The following NEK10 variants were observed in gnomAD, a reference collection of about 807,000 sequenced individuals.
NEK10 encodes the protein NIMA related kinase 10.
Under a neutral mutation model 159.8 loss-of-function variants are expected in NEK10, and 122 were observed. The observed-to-expected ratio is 0.76, with a 90% CI of 0.66 to 0.89. NEK10 has a LOEUF of 0.89. Among genes scored for constraint, NEK10 ranks in the 40% least tolerant of loss-of-function variants. The pLI, the probability that NEK10 is intolerant of heterozygous loss-of-function variation, is 0.00. For synonymous variants in NEK10, 466 were observed against 457.1 expected (o/e 1.02, Z -0.25); for missense variants, 1,342 against 1,323.1 (o/e 1.01, Z -0.22).
At chr3:27,240,238 T>C (rs1301201578) in intron 23 of NEK10, among the ~76,000 whole-genome samples, 2 of 152,154 alleles carry the variant, frequency 1.3e-5, no homozygotes, top group Non-Finnish European at 1.5e-5. Flanking sequence ...ACAAATTAAA[T>C]TCAGATCCAA....
chr3:27,294,074 A>G (rs762825976), intron 15 of NEK10, among the ~76,000 whole-genome samples: 1 of 152,252 alleles, frequency 6.6e-6, no homozygotes, highest in Non-Finnish European at 1.5e-5. Flanking sequence ...AAATGATGAC[A>G]TATAAAAATA....
chr3:27,146,493 G>A (rs1315211834), intron 30 of NEK10, among the ~76,000 whole-genome samples: 2 of 152,156 alleles, frequency 1.3e-5, no homozygotes, highest in Non-Finnish European at 2.9e-5. Flanking sequence ...CATGAATGGG[G>A]GGCCAAAACA....
chr3:27,325,590 A>C (rs1243622389), intron 5 of NEK10, among the ~76,000 whole-genome samples: 2 of 152,068 alleles, frequency 1.3e-5, no homozygotes, highest in Non-Finnish European at 2.9e-5. Context: ...AGTTAGGATG[A>C]ACATTTGTAG....
At chr3:27,252,100 C>G (rs1955728167) in intron 23 of NEK10, 1 of 249,980 alleles carries the variant, frequency 4.0e-6, no homozygotes, top group Non-Finnish European at 8.4e-6. Context: ...TAGTCAACTC[C>G]TCTAGGTCCT....
Position 27,116,005 on chromosome 3 carries a change from TA to T in NEK10, c.3244-11del. ...CTTCTTCAATCACAGTCTAAAATTTTAAAAATCAGGTTAGTATTGAATTAGA... is the reference window on the plus strand; with the variant it reads ...CTTCTTCAATCACAGTCTAAAATTTTAAAATCAGGTTAGTATTGAATTAGA... On this transcript the variant is annotated splice_polypyrimidine_tract_variant and intron_variant, in intron 34 of 35. Coordinates refer to ENST00000691995, the MANE Select transcript of NEK10 (RefSeq NM_001394966.1). 1 of 1,612,934 alleles carries T rather than the reference TA, an allele frequency of 6.2e-7. No individual in the cohort carries two copies. The highest frequency in any genetic ancestry group is 8.5e-7 in the Non-Finnish European group (1 of 1,179,234).
chr3:27,198,947 C>T (rs1949793399), intron 25 of NEK10, among the ~76,000 whole-genome samples: 1 of 151,806 alleles, frequency 6.6e-6, no homozygotes, highest in African/African-American at 2.4e-5. Flanking sequence ...GTGGCACAGG[C>T]CTACAGTCCC....
Position 27,147,380 on chromosome 3 carries a change from CA to C in NEK10, c.2870-5799del, listed in dbSNP as rs1944404955. Among the ~76,000 whole-genome samples, 5 of 152,314 alleles carry C rather than the reference CA, an allele frequency of 3.3e-5. No homozygotes were observed. The South Asian group carries it at 1.0e-3, about 32-fold the overall frequency. On this transcript the variant is annotated intron_variant, in intron 30 of 35. Coordinates refer to ENST00000691995, the MANE Select transcript of NEK10 (RefSeq NM_001394966.1). ...ACCAGTAGACCATTCTATAATCAGA[CA>C]AAAAGTGTTTGGAAGGAGCTTGGCA...
chr3:27,282,559 T>TATAC lies in NEK10; in HGVS notation c.2014+2042_2014+2043insGTAT, dbSNP rs1244802639. Among the ~76,000 whole-genome samples, 30 of 86,892 alleles carry TATAC rather than the reference T, an allele frequency of 3.5e-4. 1 individual carries two copies. The highest frequency in any genetic ancestry group is 1.5e-3 in the African/African-American group (29 of 18,768). 57.0% of individuals were successfully genotyped at this position (86,892 alleles called of 152,430 possible). ...TGTGTTATATATATATATATATATA[T>TATAC]ACATAACTGTGTTATATATATATAC... On this transcript the variant is annotated intron_variant, in intron 22 of 35. Transcript: ENST00000691995.
chr3:27,328,921 T>A (rs1449153556), intron 5 of NEK10, among the ~76,000 whole-genome samples: 5 of 152,174 alleles, frequency 3.3e-5, no homozygotes, highest in Non-Finnish European at 7.3e-5. Context: ...AACTTTGAGA[T>A]GCTTAAAGAA....
At chr3:27,154,332 C>A (rs979610660) in intron 30 of NEK10, among the ~76,000 whole-genome samples, 3 of 152,026 alleles carry the variant, frequency 2.0e-5, no homozygotes, top group African/African-American at 7.2e-5. Flanking sequence ...AAAAAAGGTC[C>A]AGGACCAGAG....
intron 22 of NEK10, among the ~76,000 whole-genome samples, chr3:27,260,155 T>C (rs911948262): frequency 1.1e-4 from 16 of 140,026 alleles, no homozygotes; most frequent in Admixed American, 4.0e-4. Context: ...TACAATCATG[T>C]CATCTGCAAA....
intron 23 of NEK10, among the ~76,000 whole-genome samples, chr3:27,209,434 A>G: frequency 6.6e-6 from 1 of 152,236 alleles, no homozygotes; most frequent in East Asian, 1.9e-4. Context: ...ACTTCTCTAA[A>G]TGCTTTCTAT....
Position 27,171,827 on chromosome 3 carries a change from G to A in NEK10, c.2823C>T (p.Ser941=), listed in dbSNP as rs147291498. The A allele has an allele frequency of 1.5e-4, 247 of 1,613,502 alleles. 1 individual carries two copies. In the African/African-American group the frequency reaches 3.0e-3, roughly 19 times the overall value. The change falls in exon 29 of 36, where the codon TCC becomes TCT. Residue 941 remains serine (S), a synonymous_variant. Transcript: ENST00000691995. The part of the protein sequence containing the change: ...SFSASGGERQ[S]QTRDFTGGTG... ...GTTCAATTTGCACCTACCTTGTTTG[G>A]GATTGTCTTTCTCCTCCTGAAGCAC...
At chr3:27,229,279 T>C (rs1284085271) in intron 23 of NEK10, among the ~76,000 whole-genome samples, 1 of 152,010 alleles carries the variant, frequency 6.6e-6, no homozygotes, top group Non-Finnish European at 1.5e-5. Context: ...CCCCTAACAG[T>C]ACAAAGAATC....
chr3:27,323,608 A>G (rs1346750902), intron 5 of NEK10, among the ~76,000 whole-genome samples: 2 of 152,002 alleles, frequency 1.3e-5, no homozygotes, highest in African/African-American at 2.4e-5. Flanking sequence ...AGGGGGGAAA[A>G]AAAAACCTGG....
At chr3:27,111,816 A>G (rs956207402) in intron 35 of NEK10, among the ~76,000 whole-genome samples, 2 of 152,210 alleles carry the variant, frequency 1.3e-5, no homozygotes, top group African/African-American at 4.8e-5. Context: ...TTATCCTCAC[A>G]AACAACAATG....
intron 23 of NEK10, among the ~76,000 whole-genome samples, chr3:27,218,327 C>A (rs1364483044): frequency 6.6e-6 from 1 of 151,994 alleles, no homozygotes; most frequent in Non-Finnish European, 1.5e-5. Flanking sequence ...CTACTGTGGG[C>A]TGGGCGCAGT....
At chr3:27,142,740 A>T (rs967908775) in intron 30 of NEK10, among the ~76,000 whole-genome samples, 5 of 152,202 alleles carry the variant, frequency 3.3e-5, no homozygotes, top group African/African-American at 1.2e-4. Context: ...AAAAGAGTCA[A>T]CTTGTTTTAT....
chr3:27,321,431 G>A (rs2045624581), intron 6 of NEK10, among the ~76,000 whole-genome samples: 1 of 152,184 alleles, frequency 6.6e-6, no homozygotes, highest in South Asian at 2.1e-4. Context: ...AGCACTTTGG[G>A]AGGTAGAGGC....
Sources: gnomAD v4.1 joint callset for allele counts (sites outside exome capture counted in the v4.1 genomes callset) on GRCh38, gnomAD v4.1.1 for gene constraint, MANE v1.5 for transcripts, NCBI Gene and HGNC (gene_info 2026-07-23, HGNC 2026-07-21) for gene names.